KCNK2: variants seen among roughly 807,000 people sequenced by gnomAD.
KCNK2 encodes the protein potassium two pore domain channel subfamily K member 2, also known as potassium channel subfamily K member 2.
In KCNK2, 21 loss-of-function variants were observed where a neutral mutation model predicts 40.5. That is an observed-to-expected ratio of 0.52 (90% CI 0.37 to 0.75). KCNK2 has a LOEUF of 0.75. KCNK2 is among the 30% of genes least tolerant of loss of function. KCNK2 has a pLI of 0.00. For synonymous variants in KCNK2, 191 were observed against 202.2 expected (o/e 0.94, Z 0.47); for missense variants, 399 against 531.6 (o/e 0.75, Z 2.45).
intron 2 of KCNK2, among the ~76,000 whole-genome samples, chr1:215,091,093 G>T (rs1659675415): frequency 6.6e-6 from 1 of 152,220 alleles, no homozygotes; most frequent in Non-Finnish European, 1.5e-5. Flanking sequence ...ACAGACTTGA[G>T]CTGGAATCCC....
chr1:215,223,532 A>G (rs1666268452), intron 6 of KCNK2, among the ~76,000 whole-genome samples: 1 of 152,162 alleles, frequency 6.6e-6, no homozygotes, highest in African/African-American at 2.4e-5. Flanking sequence ...CTGCAAGGGA[A>G]AAAAAGTGAC....
chr1:215,020,748 A>G (rs1484162639), intron 1 of KCNK2, among the ~76,000 whole-genome samples: 1 of 152,182 alleles, frequency 6.6e-6, no homozygotes, highest in African/African-American at 2.4e-5. Flanking sequence ...TTAGATCTCA[A>G]TGGTTTTCCA....
chr1:215,029,813 C>T (rs1425479065), intron 1 of KCNK2, among the ~76,000 whole-genome samples: 1 of 151,956 alleles, frequency 6.6e-6, no homozygotes, highest in Non-Finnish European at 1.5e-5. Context: ...TACTTCCATT[C>T]ATCTCATGAA....
intron 6 of KCNK2, among the ~76,000 whole-genome samples, chr1:215,217,592 G>A (rs1296814794): frequency 1.3e-5 from 2 of 152,080 alleles, no homozygotes; most frequent in African/African-American, 4.8e-5. Flanking sequence ...TAACTCACTA[G>A]ATCAGAGACT....
chr1:215,201,459 A>G (rs956763238), intron 6 of KCNK2, among the ~76,000 whole-genome samples: 3 of 152,204 alleles, frequency 2.0e-5, no homozygotes, highest in African/African-American at 7.2e-5. Context: ...TCAAAGGGCA[A>G]CAGTCACAGT....
chr1:215,146,037 T>C (rs1662398736), intron 3 of KCNK2, among the ~76,000 whole-genome samples: 1 of 152,142 alleles, frequency 6.6e-6, no homozygotes, highest in Admixed American at 6.5e-5. Context: ...AGTTGGCCAA[T>C]ATTTAGTGCT....
chr1:215,230,079 C>CTG lies in KCNK2; in HGVS notation c.964-4739_964-4738dup, dbSNP rs1328967221. Among the ~76,000 whole-genome samples the CTG allele has an allele frequency of 7.5e-4, 80 of 107,286 alleles. 1 individual carries two copies. Among genetic ancestry groups the CTG allele is most frequent in the African/African-American group, 2.7e-3 (74 of 27,518 alleles). 70.4% of individuals were successfully genotyped at this position (107,286 alleles called of 152,430 possible). ...CAGATATATATATAGATATATATAT[C>CTG]TGTGTGTGTGTATACACACACACAC... On this transcript the variant is annotated intron_variant, in intron 6 of 6. Transcript: ENST00000444842.
chr1:215,091,829 G>T (rs778070419), intron 2 of KCNK2, among the ~76,000 whole-genome samples: 9 of 152,136 alleles, frequency 5.9e-5, no homozygotes, highest in Non-Finnish European at 1.3e-4. Flanking sequence ...TAACACTTAG[G>T]CAGAATGCTC....
At chr1:215,210,061 C>A (rs1329687454) in intron 6 of KCNK2, among the ~76,000 whole-genome samples, 1 of 58,526 alleles carries the variant, frequency 1.7e-5, no homozygotes, top group Non-Finnish European at 3.0e-5. Context: ...TATACACACA[C>A]TATACAAATA....
rs1663766415 is a variant in KCNK2 at position 215,172,610 on chromosome 1, A to G, written c.823+427A>G. Reference sequence around the variant, plus strand: ...GCCCATCCTACGCAAGTATAACATAACCACATCTTAACTAATTACATTTAC... The same window carrying G: ...GCCCATCCTACGCAAGTATAACATAGCCACATCTTAACTAATTACATTTAC... On this transcript the variant is annotated intron_variant, in intron 5 of 6. Coordinates refer to ENST00000444842, the MANE Select transcript of KCNK2 (RefSeq NM_001017425.3). 4.6e-5 allele frequency among the ~76,000 whole-genome samples: 7 copies of G among 152,092 alleles called. No homozygotes were observed. In the South Asian group the frequency reaches 1.2e-3, roughly 27 times the overall value.
chr1:215,228,349 A>C (rs1666478075), intron 6 of KCNK2, among the ~76,000 whole-genome samples: 1 of 152,190 alleles, frequency 6.6e-6, no homozygotes, highest in African/African-American at 2.4e-5. Context: ...GCAGCTGTGA[A>C]GATCCGGCGA....
rs565356034 is a variant in KCNK2, at chr1:215,190,977, C to CT, written c.824-3963dup. ...TTACAGAGCCAATTTTTCTTTCTTT[C>CT]TTTTTTTTTTTTTAAGTCTTCTAGG... On this transcript the variant is annotated intron_variant, in intron 5 of 6. Transcript: ENST00000444842. Among the ~76,000 whole-genome samples the CT allele has an allele frequency of 3.4e-3, 486 of 143,782 alleles. 7 individuals are homozygous for CT. The South Asian group carries it at 0.036, about 11-fold the overall frequency. 94.3% of individuals were successfully genotyped at this position (143,782 alleles called of 152,430 possible). A position where few individuals can be genotyped will look rare whatever the true frequency, so the allele number is the denominator to read the frequency against.
intron 1 of KCNK2, among the ~76,000 whole-genome samples, chr1:215,009,042 C>T (rs1656285296): frequency 6.6e-6 from 1 of 152,058 alleles, no homozygotes; most frequent in Non-Finnish European, 1.5e-5. Flanking sequence ...CATGTCTAAT[C>T]ATCTTAGAAA....
chr1:215,094,306 T>C (rs1018950732), intron 2 of KCNK2, among the ~76,000 whole-genome samples: 4 of 152,030 alleles, frequency 2.6e-5, no homozygotes, highest in African/African-American at 9.7e-5. Context: ...CATAAATACT[T>C]TCTGTCCTTT....
At chr1:215,091,754 G>C (rs914871280) in intron 2 of KCNK2, among the ~76,000 whole-genome samples, 1 of 152,140 alleles carries the variant, frequency 6.6e-6, no homozygotes. Context: ...CACTAAGGAG[G>C]CTTCACTAAT....
At position 215,118,885 on chromosome 1, in the gene KCNK2, T is replaced by G. The variant is rs1661060682; in HGVS notation, c.358-5748T>G. Among the ~76,000 whole-genome samples the G allele has an allele frequency of 2.6e-5, 4 of 152,230 alleles. No homozygotes were observed. In the South Asian group the frequency reaches 8.3e-4, roughly 32 times the overall value. ...TTCAAATTATTAATGTGATTCTACT[T>G]TTAGGATGATAGGTGTGACAGCATA... On this transcript the variant is annotated intron_variant, in intron 2 of 6. Coordinates refer to ENST00000444842, the MANE Select transcript of KCNK2 (RefSeq NM_001017425.3).
upstream of KCNK2, among the ~76,000 whole-genome samples, chr1:215,078,471 G>A (rs1659032513): frequency 6.6e-6 from 1 of 152,198 alleles, no homozygotes; most frequent in South Asian, 2.1e-4. Context: ...ATGGCAGAAG[G>A]CACCTCTTCC....
chr1:215,176,533 A>G (rs1436959253), intron 5 of KCNK2, among the ~76,000 whole-genome samples: 4 of 151,934 alleles, frequency 2.6e-5, no homozygotes, highest in South Asian at 2.1e-4. Context: ...TGTTCCCCCA[A>G]TGTGTCCATG....
At chr1:215,005,955 T>C in exon 1 of KCNK2, 6 of 1,612,066 alleles carry the variant, frequency 3.7e-6, no homozygotes, top group Non-Finnish European at 5.1e-6. Context: ...GGATTTCTAC[T>C]GTGAGTATCT....
Sources: allele counts gnomAD v4.1 joint callset (sites outside exome capture counted in the v4.1 genomes callset), GRCh38; gene constraint gnomAD v4.1.1; transcripts MANE v1.5; gene names NCBI Gene and HGNC (gene_info 2026-07-23, HGNC 2026-07-21).